TSPAN5: variants seen among roughly 807,000 people sequenced by gnomAD.
TSPAN5 encodes the protein tetraspanin 5, also known as tetraspanin-5.
In TSPAN5, 10 loss-of-function variants were observed where a neutral mutation model predicts 37.1. The ratio of observed to expected loss-of-function variants is 0.27; its 90% CI spans 0.17 to 0.46. The LOEUF is 0.46. Ranked by LOEUF, TSPAN5 falls within the 20% of genes least tolerant of loss-of-function variation. TSPAN5 has a pLI of 1.00. For synonymous variants in TSPAN5, 110 were observed against 118.9 expected (o/e 0.93, Z 0.48); for missense variants, 195 against 326.6 (o/e 0.60, Z 3.11).
intron 4 of TSPAN5, among the ~76,000 whole-genome samples, chr4:98,479,262 A>T (rs190942515): frequency 6.6e-6 from 1 of 152,346 alleles, no homozygotes; most frequent in Admixed American, 6.5e-5. Flanking sequence ...CTACATTCTA[A>T]TAGTTTTTTT....
chr4:98,646,464 C>T (rs1447134951), intron 1 of TSPAN5, among the ~76,000 whole-genome samples: 3 of 152,138 alleles, frequency 2.0e-5, no homozygotes, highest in African/African-American at 7.2e-5. Flanking sequence ...CCACCCCACC[C>T]AGGTGTTAGG....
intron 1 of TSPAN5, among the ~76,000 whole-genome samples, chr4:98,599,173 C>G (rs531282294): frequency 5.3e-5 from 8 of 152,164 alleles, no homozygotes; most frequent in Non-Finnish European, 1.2e-4. Context: ...CAGGGTCTCA[C>G]AGTTTCACCC....
chr4:98,554,031 C>T (rs548712570), intron 1 of TSPAN5, among the ~76,000 whole-genome samples: 9 of 151,790 alleles, frequency 5.9e-5, no homozygotes, highest in Non-Finnish European at 7.4e-5. Flanking sequence ...CATGCCATTG[C>T]GCTCCATCCT....
chr4:98,578,672 G>A (rs978712310), intron 1 of TSPAN5, among the ~76,000 whole-genome samples: 4 of 151,994 alleles, frequency 2.6e-5, no homozygotes, highest in South Asian at 2.1e-4. Context: ...TGCCCACCTC[G>A]GCCTCCCAAA....
intron 1 of TSPAN5, among the ~76,000 whole-genome samples, chr4:98,558,039 A>G (rs1289502265): frequency 1.3e-5 from 2 of 152,212 alleles, no homozygotes; most frequent in African/African-American, 4.8e-5. Flanking sequence ...AACCTAAGGA[A>G]GTCTGAATAA....
At chr4:98,519,401 A>C (rs777741451) in intron 1 of TSPAN5, among the ~76,000 whole-genome samples, 2 of 152,032 alleles carry the variant, frequency 1.3e-5, no homozygotes, top group Non-Finnish European at 2.9e-5. Context: ...TGGGAGGCTG[A>C]GTGGGAGGAT....
chr4:98,620,220 G>A (rs1756450447), intron 1 of TSPAN5, among the ~76,000 whole-genome samples: 1 of 152,122 alleles, frequency 6.6e-6, no homozygotes, highest in Non-Finnish European at 1.5e-5. Context: ...GCTCACTCTT[G>A]GAACCCTGAG....
chr4:98,508,798 T>C (rs1252614498), intron 1 of TSPAN5, among the ~76,000 whole-genome samples: 1 of 152,130 alleles, frequency 6.6e-6, no homozygotes, highest in Non-Finnish European at 1.5e-5. Flanking sequence ...ATGCTGAGAT[T>C]ATAGGTGTGA....
chr4:98,534,140 C>T (rs9761395), intron 1 of TSPAN5, among the ~76,000 whole-genome samples: 33,705 of 151,772 alleles, frequency 0.22, 3,923 homozygotes, highest in African/African-American at 0.27. Flanking sequence ...CCTGCTTTCT[C>T]TTGTGGGCAT....
At chr4:98,643,577 ACT>A in intron 1 of TSPAN5, among the ~76,000 whole-genome samples, 1 of 152,158 alleles carries the variant, frequency 6.6e-6, no homozygotes, top group East Asian at 1.9e-4. Flanking sequence ...TAAAATAGTG[ACT>A]CTGTATCTTT....
At chr4:98,512,186 C>T (rs993596860) in intron 1 of TSPAN5, among the ~76,000 whole-genome samples, 1 of 151,970 alleles carries the variant, frequency 6.6e-6, no homozygotes, top group African/African-American at 2.4e-5. Flanking sequence ...GCACTACAGC[C>T]TGGCGACAGA....
intron 1 of TSPAN5, among the ~76,000 whole-genome samples, chr4:98,652,814 A>C (rs1757217345): frequency 6.6e-6 from 1 of 152,240 alleles, no homozygotes; most frequent in South Asian, 2.1e-4. Context: ...TGGACATTAA[A>C]ACAAAGTGAC....
chr4:98,612,122 C>A (rs73832359), intron 1 of TSPAN5, among the ~76,000 whole-genome samples: 1 of 152,160 alleles, frequency 6.6e-6, no homozygotes, highest in African/African-American at 2.4e-5. Context: ...TGGAAACTGA[C>A]GTATATTTTA....
intron 1 of TSPAN5, among the ~76,000 whole-genome samples, chr4:98,542,398 C>T (rs187857945): frequency 2.6e-5 from 4 of 152,246 alleles, no homozygotes; most frequent in Admixed American, 2.6e-4. Flanking sequence ...TCTGTAAAAA[C>T]TAAGCTAAAT....
intron 1 of TSPAN5, among the ~76,000 whole-genome samples, chr4:98,625,826 A>G (rs1756586364): frequency 6.8e-6 from 1 of 147,050 alleles, no homozygotes; most frequent in African/African-American, 2.6e-5. Context: ...TTCATCAAAT[A>G]CACATCTTCT....
Position 98,634,895 on chromosome 4 carries a change from G to A in TSPAN5, c.81+23251C>T, listed in dbSNP as rs189709187. Among the ~76,000 whole-genome samples, 19 of 152,336 alleles carry A rather than the reference G, an allele frequency of 1.2e-4. No individual in the cohort carries two copies. The East Asian group carries it at 3.1e-3, about 25-fold the overall frequency. The stretch of plus-strand genomic sequence containing the variant: ...ATTCTTTGGAAAGTCCTTTGGGTTG[G>A]AACTGAAATGGATCACAGAAGTGGG... On this transcript the variant is annotated intron_variant, in intron 1 of 7. Coordinates refer to ENST00000305798, the MANE Select transcript of TSPAN5 (RefSeq NM_005723.4).
At chr4:98,603,356 C>T (rs1405740915) in intron 1 of TSPAN5, among the ~76,000 whole-genome samples, 5 of 152,180 alleles carry the variant, frequency 3.3e-5, no homozygotes, top group African/African-American at 1.2e-4. Context: ...CACACATGTT[C>T]ATGATGTTGC....
intron 1 of TSPAN5, among the ~76,000 whole-genome samples, chr4:98,559,168 A>G (rs1754823393): frequency 6.6e-6 from 1 of 152,122 alleles, no homozygotes; most frequent in Admixed American, 6.5e-5. Flanking sequence ...CACTAAGACA[A>G]TTTCCCTCCC....
chr4:98,524,007 T>C (rs570043498), intron 1 of TSPAN5, among the ~76,000 whole-genome samples: 2 of 152,314 alleles, frequency 1.3e-5, no homozygotes, highest in African/African-American at 4.8e-5. Flanking sequence ...GTTTTATGTA[T>C]AGTAGGCACT....
Sources: gnomAD v4.1 joint callset for allele counts (sites outside exome capture counted in the v4.1 genomes callset) on GRCh38, gnomAD v4.1.1 for gene constraint, MANE v1.5 for transcripts, NCBI Gene and HGNC (gene_info 2026-07-23, HGNC 2026-07-21) for gene names.